The following WWOX variants were observed in gnomAD, a reference collection of about 807,000 sequenced individuals.
WWOX encodes WW domain containing oxidoreductase, also known as WW domain-containing oxidoreductase.
Under a neutral mutation model 46.2 loss-of-function variants are expected in WWOX, and 69 were observed. The ratio of observed to expected loss-of-function variants is 1.49; its 90% CI spans 1.23 to 1.82. The LOEUF is 1.82. Ranked by LOEUF, WWOX falls within the 40% of genes most tolerant of loss-of-function variation. The probability of loss-of-function intolerance (pLI) is 0.00; values close to 1 mark genes in which losing one functional copy is unlikely to be tolerated. For missense variants in WWOX, 919 were observed against 542.6 expected (o/e 1.69, Z -6.89); for synonymous variants, 359 against 202.6 (o/e 1.77, Z -6.56).
At chr16:79,005,836 C>A (rs2047179351) in intron 8 of WWOX, among the ~76,000 whole-genome samples, 1 of 152,142 alleles carries the variant, frequency 6.6e-6, no homozygotes, top group South Asian at 2.1e-4. Flanking sequence ...TATATGGATT[C>A]CAGAGTGACC....
intron 8 of WWOX, among the ~76,000 whole-genome samples, chr16:78,978,814 C>T (rs2046623491): frequency 6.6e-6 from 1 of 152,182 alleles, no homozygotes; most frequent in Non-Finnish European, 1.5e-5. Flanking sequence ...GGTTCATCCT[C>T]ATGACTCAGT....
intron 8 of WWOX, among the ~76,000 whole-genome samples, chr16:78,672,635 G>T (rs940325485): frequency 2.0e-5 from 3 of 152,224 alleles, no homozygotes; most frequent in Non-Finnish European, 2.9e-5. Flanking sequence ...CTTACCATTT[G>T]CAAGGAGAAT....
At chr16:78,589,056 T>G (rs918553883) in intron 8 of WWOX, among the ~76,000 whole-genome samples, 1 of 152,236 alleles carries the variant, frequency 6.6e-6, no homozygotes, top group Non-Finnish European at 1.5e-5. Context: ...TAAGACCTTA[T>G]CAGTTACCTG....
chr16:79,003,020 T>G lies in WWOX; in HGVS notation c.1057-208588T>G, dbSNP rs761815278. On this transcript the variant is annotated intron_variant, in intron 8 of 8. Transcript: ENST00000566780. ...CTGGTGAATGCACCCAGCTCGCCAA[T>G]GCATGCCAGCCACAGGGCCTCACAG... is the stretch of plus-strand genomic sequence containing the variant. Among the ~76,000 whole-genome samples the G allele has an allele frequency of 3.3e-5, 5 of 152,310 alleles. No homozygotes were observed. The East Asian group carries it at 9.7e-4, about 30-fold the overall frequency.
intron 8 of WWOX, among the ~76,000 whole-genome samples, chr16:78,456,900 G>T (rs1055002635): frequency 1.3e-5 from 2 of 152,216 alleles, no homozygotes; most frequent in Non-Finnish European, 2.9e-5. Flanking sequence ...ATTAGTTCAC[G>T]TGGCGTTGGC....
rs1271972529 is a variant in WWOX at position 78,192,352 on chromosome 16, T to G, written c.516+28063T>G. On this transcript the variant is annotated intron_variant, in intron 5 of 8. Coordinates refer to ENST00000566780, the MANE Select transcript of WWOX (RefSeq NM_016373.4). ...TCTACTAAAAATTCAAAAATTAGGC[T>G]TGGTGGCACGTGCCTGTAGTCCCAA... Among the ~76,000 whole-genome samples the G allele has an allele frequency of 2.0e-5, 3 of 151,702 alleles. No individual in the cohort carries two copies. The East Asian group carries it at 5.8e-4, about 29-fold the overall frequency.
intron 8 of WWOX, among the ~76,000 whole-genome samples, chr16:78,504,565 C>T (rs2085146377): frequency 6.6e-6 from 1 of 152,208 alleles, no homozygotes; most frequent in African/African-American, 2.4e-5. Flanking sequence ...CTGGCTCATT[C>T]CAGAAGTGGG....
chr16:79,013,646 C>G (rs1329080979), intron 8 of WWOX, among the ~76,000 whole-genome samples: 1 of 152,108 alleles, frequency 6.6e-6, no homozygotes, highest in Admixed American at 6.5e-5. Context: ...CGGGTCTCCT[C>G]GGAGGTCGGT....
At chr16:78,144,755 A>C (rs925728133) in intron 4 of WWOX, among the ~76,000 whole-genome samples, 1 of 151,530 alleles carries the variant, frequency 6.6e-6, no homozygotes, top group African/African-American at 2.4e-5. Flanking sequence ...TCCTGACCTC[A>C]AGAAATCCGC....
chr16:78,633,617 C>G (rs947243884), intron 8 of WWOX, among the ~76,000 whole-genome samples: 10 of 152,164 alleles, frequency 6.6e-5, no homozygotes, highest in African/African-American at 2.4e-4. Context: ...ACAAAGGTCT[C>G]CTCCTTTTCA....
chr16:78,644,920 A>C lies in WWOX; in HGVS notation c.1056+212168A>C, dbSNP rs560885006. 1.2e-4 allele frequency among the ~76,000 whole-genome samples: 18 copies of C among 152,310 alleles called. No homozygotes were observed. In the East Asian group the frequency reaches 3.5e-3, roughly 29 times the overall value. On this transcript the variant is annotated intron_variant, in intron 8 of 8. Transcript: ENST00000566780. ...GAATATAGATAGGAATTACTAAGGA[A>C]AATTGTATTTTTGTGGAATTCTTTG...
At chr16:78,636,519 T>C (rs1304549367) in intron 8 of WWOX, among the ~76,000 whole-genome samples, 1 of 152,186 alleles carries the variant, frequency 6.6e-6, no homozygotes, top group African/African-American at 2.4e-5. Context: ...TTTTTCCTAA[T>C]AGAAAATAGA....
intron 8 of WWOX, among the ~76,000 whole-genome samples, chr16:78,580,909 G>A (rs1021948799): frequency 1.3e-5 from 2 of 152,158 alleles, no homozygotes; most frequent in Admixed American, 6.5e-5. Flanking sequence ...GTAATTTCTG[G>A]TCATAAGTCT....
At chr16:78,273,653 A>G (rs1221247731) in intron 5 of WWOX, among the ~76,000 whole-genome samples, 1 of 152,166 alleles carries the variant, frequency 6.6e-6, no homozygotes, top group Non-Finnish European at 1.5e-5. Flanking sequence ...CCTTGAGCAA[A>G]AGTGATTGCA....
At chr16:78,878,250 C>G (rs182030038) in intron 8 of WWOX, among the ~76,000 whole-genome samples, 8 of 152,276 alleles carry the variant, frequency 5.3e-5, no homozygotes, top group Non-Finnish European at 1.0e-4. Flanking sequence ...GGGCAGATGA[C>G]TGAGCTTGTC....
chr16:78,588,371 T>C (rs768386774), intron 8 of WWOX, among the ~76,000 whole-genome samples: 6 of 152,182 alleles, frequency 3.9e-5, no homozygotes, highest in East Asian at 1.9e-4. Flanking sequence ...TGGTGAAATA[T>C]TGATTTATAT....
At chr16:79,053,994 G>GAA (rs35728336) in intron 8 of WWOX, among the ~76,000 whole-genome samples, 112 of 149,838 alleles carry the variant, frequency 7.5e-4, no homozygotes, top group South Asian at 5.5e-3. Flanking sequence ...AGGAGAGAGG[G>GAA]AAAAAAAAAA....
At position 78,309,961 on chromosome 16, in the gene WWOX, T is replaced by C. The variant is rs2080208664; in HGVS notation, c.517-76899T>C. On this transcript the variant is annotated intron_variant, in intron 5 of 8. Coordinates refer to ENST00000566780, the MANE Select transcript of WWOX (RefSeq NM_016373.4). ...ATTAAATTAGGTTATATGCGTGAAG[T>C]TCGTAGAGCCAGGGTCTGGGCATTA... 1.3e-5 allele frequency among the ~76,000 whole-genome samples: 2 copies of C among 152,120 alleles called. 1 individual carries two copies. The highest frequency in any genetic ancestry group is 4.2e-4 in the South Asian group (2 of 4,818).
At chr16:78,329,207 G>A (rs940456836) in intron 5 of WWOX, among the ~76,000 whole-genome samples, 2 of 152,050 alleles carry the variant, frequency 1.3e-5, no homozygotes, top group African/African-American at 2.4e-5. Flanking sequence ...AAGTGAAATT[G>A]CAACCCCATG....
Sources: gnomAD v4.1 joint callset for allele counts (sites outside exome capture counted in the v4.1 genomes callset) on GRCh38, gnomAD v4.1.1 for gene constraint, MANE v1.5 for transcripts, NCBI Gene and HGNC (gene_info 2026-07-23, HGNC 2026-07-21) for gene names.